YEATS2: variants seen among roughly 807,000 people sequenced by gnomAD.
YEATS2 encodes the protein YEATS domain-containing protein 2.
In YEATS2, 77 loss-of-function variants were observed where a neutral mutation model predicts 163.2. That is an observed-to-expected ratio of 0.47 (90% CI 0.39 to 0.57). The LOEUF is 0.57. YEATS2 is among the 20% of genes least tolerant of loss of function. YEATS2 has a pLI of 0.00. For missense variants in YEATS2, 1,549 were observed against 1,729.8 expected, an observed-to-expected ratio of 0.90 and a Z score of 1.85; for synonymous variants, 631 against 645.1, an observed-to-expected ratio of 0.98 and a Z score of 0.33.
At chr3:183,724,308 A>AT (rs1432304588) in intron 5 of YEATS2, 111 bp from the exon 6 acceptor site, 14 of 799,910 alleles carry the variant, frequency 1.8e-5, no homozygotes, top group Non-Finnish European at 2.1e-5. Flanking sequence ...AAATTTTGTA[A>AT]TTTTTTAAAA....
intron 8 of YEATS2, among the ~76,000 whole-genome samples, chr3:183,737,059 A>G (rs375194627): frequency 6.6e-6 from 1 of 152,226 alleles, no homozygotes; most frequent in South Asian, 2.1e-4. Flanking sequence ...TATGGACTAT[A>G]TTCTTACAAT....
intron 15 of YEATS2, 115 bp from the exon 16 acceptor site, chr3:183,772,190 A>C: frequency 7.0e-7 from 1 of 1,435,470 alleles, no homozygotes; most frequent in African/African-American, 1.4e-5. Flanking sequence ...TTCCTAGATG[A>C]CTGAATTAGG....
Position 183,774,096 on chromosome 3 carries a change from A to G in YEATS2, c.2368+302A>G, listed in dbSNP as rs557303682. 8.1e-4 allele frequency among the ~76,000 whole-genome samples: 123 copies of G among 152,302 alleles called. 1 individual carries two copies. The highest frequency in any genetic ancestry group is 2.8e-3 in the African/African-American group (118 of 41,562). On this transcript the variant is annotated intron_variant, in intron 17 of 30. Transcript: ENST00000305135. ...AGTGGTGTCTGAAAATTATCTGGTG[A>G]TACCTGAGGGAAGATCCATCTACTT...
chr3:183,780,617 G>GCACT (rs1484833386), intron 19 of YEATS2, among the ~76,000 whole-genome samples: 1 of 152,064 alleles, frequency 6.6e-6, no homozygotes, highest in Non-Finnish European at 1.5e-5. Flanking sequence ...AAGATAAAAT[G>GCACT]GCACAAATGT....
rs189246696 is a variant in YEATS2, at chr3:183,770,465, T to C, written c.1948-1840T>C. Among the ~76,000 whole-genome samples the C allele has an allele frequency of 5.9e-5, 9 of 152,266 alleles. No individual in the cohort carries two copies. The East Asian group carries it at 1.2e-3, about 20-fold the overall frequency. On this transcript the variant is annotated intron_variant, in intron 15 of 30. Transcript: ENST00000305135. ...TCATTCTACCTTCTAAATAATCTTA[T>C]TTTAAAATTTAGAAATACTCTAAAA...
At chr3:183,742,485 T>C in intron 8 of YEATS2, among the ~76,000 whole-genome samples, 1 of 152,192 alleles carries the variant, frequency 6.6e-6, no homozygotes, top group South Asian at 2.1e-4. Context: ...ATGGTGGAAA[T>C]AGCAGGAGTA....
chr3:183,722,072 A>G lies in YEATS2; in HGVS notation c.473A>G (p.Asn158Ser), dbSNP rs768012983. 168 of 1,613,970 alleles carry G rather than the reference A, an allele frequency of 1.0e-4. No individual in the cohort carries two copies. The highest frequency in any genetic ancestry group is 1.4e-4 in the Non-Finnish European group (164 of 1,180,024). ...DFLSDKDNNS[N>S]MDIEERLSNN... The stretch of plus-strand genomic sequence containing the variant: ...TTATCTGACAAAGATAATAACAGCA[A>G]TATGGATATAGAGGAAAGACTCTCA... Residue 158 changes from asparagine to serine, a missense_variant, in exon 5 of 31, where the codon AAT becomes AGT. Asn to Ser is a conservative substitution (Grantham distance 46, BLOSUM62 1). Transcript: ENST00000305135.
At chr3:183,757,543 G>A (rs1024464435) in intron 12 of YEATS2, among the ~76,000 whole-genome samples, 4 of 152,122 alleles carry the variant, frequency 2.6e-5, no homozygotes, top group African/African-American at 9.7e-5. Flanking sequence ...GCCTCCCAAA[G>A]TGCTGGATTT....
At chr3:183,719,326 G>A (rs1026820194) in intron 4 of YEATS2, among the ~76,000 whole-genome samples, 2 of 151,728 alleles carry the variant, frequency 1.3e-5, no homozygotes, top group African/African-American at 4.8e-5. Flanking sequence ...TACTAGAGAC[G>A]GGGTTTCTCC....
chr3:183,699,961 A>T (rs1018781608), intron 1 of YEATS2, among the ~76,000 whole-genome samples: 7 of 152,224 alleles, frequency 4.6e-5, no homozygotes, highest in African/African-American at 1.7e-4. Context: ...GCAAATTAGA[A>T]AAAAAGTGCC....
rs982317864 is a variant in YEATS2 at position 183,747,732 on chromosome 3, A to G, written c.969+16A>G. On this transcript the variant is annotated intron_variant, in intron 9 of 30. Transcript: ENST00000305135. ...AGCAGAGACGGTAGGTTTTTTTCCT[A>G]CAGTATTATCTGGGAATGAGTAGGA... 3 of 1,609,610 alleles carry G rather than the reference A, an allele frequency of 1.9e-6. No individual in the cohort carries two copies. The African/African-American group carries it at 4.0e-5, about 22-fold the overall frequency.
chr3:183,700,148 C>T (rs565538933), intron 1 of YEATS2, among the ~76,000 whole-genome samples: 1 of 152,072 alleles, frequency 6.6e-6, no homozygotes, highest in Admixed American at 6.5e-5. Flanking sequence ...GTCAAAAGTT[C>T]TTTAGATATT....
At chr3:183,780,495 ATTGG>A (rs2108432943) in intron 19 of YEATS2, among the ~76,000 whole-genome samples, 1 of 152,296 alleles carries the variant, frequency 6.6e-6, no homozygotes, top group South Asian at 2.1e-4. Flanking sequence ...CTTGTCCACT[ATTGG>A]GCTCCTCAAC....
At chr3:183,747,774 T>G in intron 9 of YEATS2, 58 bp downstream of exon 9, 2 of 1,544,556 alleles carry the variant, frequency 1.3e-6, no homozygotes, top group Non-Finnish European at 1.8e-6. Flanking sequence ...TTGATCTTCA[T>G]TTTTTGTTTG....
At chr3:183,774,589 A>G (rs1256227056) in intron 17 of YEATS2, among the ~76,000 whole-genome samples, 2 of 152,220 alleles carry the variant, frequency 1.3e-5, no homozygotes, top group Non-Finnish European at 2.9e-5. Flanking sequence ...TTAAAGCCCC[A>G]TGGAAATGAG....
At chr3:183,758,809 TA>T (rs370727193) in intron 12 of YEATS2, 52 bp from the exon 13 acceptor site, 1 of 1,244,610 alleles carries the variant, frequency 8.0e-7, no homozygotes, top group African/African-American at 1.5e-5. Context: ...GCTTTAAAAT[TA>T]CCTTTTGTAA....
At chr3:183,745,076 T>A (rs774752772) in intron 8 of YEATS2, among the ~76,000 whole-genome samples, 16 of 152,056 alleles carry the variant, frequency 1.1e-4, no homozygotes, top group Non-Finnish European at 2.4e-4. Flanking sequence ...TCTCAAACTC[T>A]TGGCCTCCAG....
intron 17 of YEATS2, 35 bp downstream of exon 17, chr3:183,773,829 T>TTGGTTCTCTATGTGTGTTCA: frequency 6.3e-7 from 1 of 1,581,000 alleles, no homozygotes; most frequent in Non-Finnish European, 8.6e-7. Context: ...CATTTGGTTC[T>TTGGTTCTCTATGTGTGTTCA]TGGTTCTCTA....
rs375081224 is a variant in YEATS2 at position 183,765,534 on chromosome 3, G to T, written c.1947+3255G>T. 1.4e-4 allele frequency among the ~76,000 whole-genome samples: 22 copies of T among 152,326 alleles called. 1 individual carries two copies. The highest frequency in any genetic ancestry group is 9.2e-4 in the Admixed American group (14 of 15,298). ...GAAGGAACTGCAGAGAAGCAGTAGT[G>T]CGTGAGATGATACCACTGTTTACCC... is the stretch of plus-strand genomic sequence containing the variant. On this transcript the variant is annotated intron_variant, in intron 15 of 30. Coordinates refer to ENST00000305135, the MANE Select transcript of YEATS2 (RefSeq NM_018023.5).
Sources: allele counts gnomAD v4.1 joint callset (sites outside exome capture counted in the v4.1 genomes callset), GRCh38; gene constraint gnomAD v4.1.1; transcripts MANE v1.5; gene names NCBI Gene and HGNC (gene_info 2026-07-23, HGNC 2026-07-21).